The following SCRIB variants were observed in gnomAD, a reference collection of about 807,000 sequenced individuals.
The protein encoded by SCRIB is scribble planar cell polarity protein.
A neutral mutation model predicts 170.0 loss-of-function variants in SCRIB; 72 were observed. That is an observed-to-expected ratio of 0.42 (90% CI 0.35 to 0.52). SCRIB has a LOEUF of 0.52. Among genes scored for constraint, SCRIB ranks in the 20% least tolerant of loss-of-function variants. The pLI is 0.02. For missense variants in SCRIB, 2,475 were observed against 2,338.5 expected, an observed-to-expected ratio of 1.06 and a Z score of -1.20; for synonymous variants, 1,298 against 1,044.3, an observed-to-expected ratio of 1.24 and a Z score of -4.68.
chr8:143,804,524 C>T (rs782175562), intron 21 of SCRIB, 44 bp downstream of exon 21: 4 of 1,481,796 alleles, frequency 2.7e-6, no homozygotes, highest in Non-Finnish European at 3.6e-6. Context: ...CCAGTGCCCA[C>T]AGCTGAAGCT....
intron 28 of SCRIB, chr8:143,793,338 T>C (rs1814793187): frequency 2.5e-6 from 1 of 400,062 alleles, no homozygotes; most frequent in Non-Finnish European, 4.4e-6. Context: ...CCCCTGGTTT[T>C]GTCTAAAAAA....
Position 143,791,243 on chromosome 8 carries a change from C to A in SCRIB, c.4888G>T (p.Gly1630Cys). Residue 1630 changes from glycine to cysteine, a missense_variant, in exon 37 of 37, where the codon GGC (glycine) becomes TGC (cysteine). Around this residue, in one of 3 missense-constraint regions of SCRIB, gnomAD observed 1,966 missense variants for 1,742.9 expected, o/e 1.13. Transcript: ENST00000356994. ...LLGRPSPGAV[G>C]PEDVALCSSR... ...CTGCACAGTGCCACATCTTCAGGGC[C>A]CACAGCGCCGGGTGAGGGCCTGCCC... 6.7e-7 allele frequency: 1 copy of A among 1,495,170 alleles called. No homozygotes were observed. Among genetic ancestry groups the A allele is most frequent in the Non-Finnish European group, 8.9e-7 (1 of 1,121,596 alleles). The allele number at this position is 1,495,170 out of a possible 1,614,324, so 92.6% of individuals were successfully genotyped here.
chr8:143,805,112 C>A lies in SCRIB; in HGVS notation c.2670G>T (p.Ala890=). The change falls in exon 19 of 37, where the codon GCG becomes GCT. Residue 890 remains alanine (A), a splice_region_variant and synonymous_variant. Transcript: ENST00000356994. ...KGSTPYRAGD[A]GIFVSRIAEG... is the part of the protein sequence containing the mutation. ...CCCCGGCCCTGGGCCCCAGCCTCAC[C>A]GCATCACCAGCCCTGTAGGGTGTGG... 1 of 1,598,428 alleles carries A rather than the reference C, an allele frequency of 6.3e-7. No homozygotes were observed. The highest frequency in any genetic ancestry group is 8.5e-7 in the Non-Finnish European group (1 of 1,172,492).
rs1286034135 is a variant in SCRIB at position 143,806,307 on chromosome 8, T to C, written c.2346+100A>G. 1.7e-5 allele frequency: 16 copies of C among 930,192 alleles called. No homozygotes were observed. The African/African-American group carries it at 2.5e-4, about 14-fold the overall frequency. The allele number at this position is 930,192 out of a possible 1,614,324, so 57.6% of individuals were successfully genotyped here. ...CTGGGTGTCCTGTGCTTGGAACTCT[T>C]GGGGAGGCCGGGAGAAGGCAGCCAA... On this transcript the variant is annotated intron_variant, in intron 18 of 36. Transcript: ENST00000356994.
chr8:143,795,176 G>T (rs372802113), intron 26 of SCRIB, 64 bp from the exon 27 acceptor site: 1 of 1,597,448 alleles, frequency 6.3e-7, no homozygotes, highest in Non-Finnish European at 8.6e-7. Flanking sequence ...GCCAGCACAG[G>T]GCAGGAGAGG....
chr8:143,815,394 C>T lies in SCRIB; in HGVS notation c.-22G>A, dbSNP rs776848273. The T allele has an allele frequency of 6.4e-5, 82 of 1,287,332 alleles. No individual in the cohort carries two copies. The highest frequency in any genetic ancestry group is 1.6e-4 in the South Asian group (6 of 38,246). 79.7% of individuals were successfully genotyped at this position (1,287,332 alleles called of 1,614,324 possible). A position where few individuals can be genotyped will look rare whatever the true frequency, so the allele number is the denominator to read the frequency against. ...GCATGGTGCGGGTGGGCGGCGCGGG[C>T]TCCGGCGGCGGCGCTCGGCGGGCTC... On this transcript the variant is annotated 5_prime_UTR_variant, in exon 1 of 37. Transcript: ENST00000356994.
In SCRIB at chr8:143,803,136, C is replaced by A. The variant is rs373543017; in HGVS notation, c.3603+247G>T. 2.0e-5 allele frequency among the ~76,000 whole-genome samples: 3 copies of A among 152,286 alleles called. No individual in the cohort carries two copies. The South Asian group carries it at 6.2e-4, about 32-fold the overall frequency. On this transcript the variant is annotated intron_variant, in intron 24 of 36. Transcript: ENST00000356994. ...CCAAACACACGCCCCTCCCACCATC[C>A]GTTCACGTGCCTCGTCCTACTTGGA...
chr8:143,806,470 A>G lies in SCRIB; in HGVS notation c.2283T>C (p.Ser761=). 6.3e-7 allele frequency: 1 copy of G among 1,598,806 alleles called. No individual in the cohort carries two copies. The change falls in exon 18 of 37, where the codon TCT becomes TCC. Residue 761 remains serine (S), a synonymous_variant. Coordinates refer to ENST00000356994, the MANE Select transcript of SCRIB (RefSeq NM_182706.5). ...CCGCAGGGCCTTCCTCGGACACCCG[A>G]GAGATGAATATGCCCTAGGGCACAG... is the stretch of plus-strand genomic sequence containing the variant. The part of the protein sequence containing the change: ...YKGDDEGIFI[S]RVSEEGPAAR...
At chr8:143,808,265 C>T (rs1409693641) in intron 15 of SCRIB, among the ~76,000 whole-genome samples, 1 of 152,150 alleles carries the variant, frequency 6.6e-6, no homozygotes, top group Non-Finnish European at 1.5e-5. Flanking sequence ...CGGGCAAATA[C>T]TGGCCAGCAG....
Position 143,803,406 on chromosome 8 carries a change from C to A in SCRIB, c.3580G>T (p.Ala1194Ser). 1 of 1,586,946 alleles carries A rather than the reference C, an allele frequency of 6.3e-7. No homozygotes were observed. Among genetic ancestry groups the A allele is most frequent in the Non-Finnish European group, 8.5e-7 (1 of 1,170,944 alleles). The change falls in exon 24 of 37, where the codon GCC (alanine) becomes TCC (serine). Residue 1194 changes from alanine (A) to serine (S), a missense_variant. Physicochemically the swap from Ala to Ser is moderately conservative, Grantham distance 99. Around this residue, in one of 3 missense-constraint regions of SCRIB, gnomAD observed 1,966 missense variants for 1,742.9 expected, o/e 1.13. Coordinates refer to ENST00000356994, the MANE Select transcript of SCRIB (RefSeq NM_182706.5). ...LTVLVCDGFE[A>S]STDAALEVSP... ...ACCTCCAGGGCTGCGTCGGTGCTGG[C>A]CTCAAAGCCGTCACAGACCAGCACG...
chr8:143,792,327 C>T lies in SCRIB; in HGVS notation c.4407G>A (p.Glu1469=). 5 of 1,548,538 alleles carry T rather than the reference C, an allele frequency of 3.2e-6. No individual in the cohort carries two copies. Among genetic ancestry groups the T allele is most frequent in the Non-Finnish European group, 4.3e-6 (5 of 1,153,798 alleles). ...RTAKAERRHQ[E]RLRVQSPEPP... is the part of the protein sequence containing the mutation. ...GCTCCGGACTCTGCACGCGCAGCCG[C>T]TCCTGGTGGCGCCGTTCAGCTTTGG... The change falls in exon 32 of 37, where the codon GAG becomes GAA. Residue 1469 remains glutamate (E), a synonymous_variant. Coordinates refer to ENST00000356994, the MANE Select transcript of SCRIB (RefSeq NM_182706.5).
Position 143,810,570 on chromosome 8 carries a change from T to C in SCRIB, c.1439A>G (p.Glu480Gly), listed in dbSNP as rs1815661918. 1.2e-6 allele frequency: 2 copies of C among 1,613,572 alleles called. No individual in the cohort carries two copies. The highest frequency in any genetic ancestry group is 1.7e-6 in the Non-Finnish European group (2 of 1,179,986). ...LQRRATPHPS[E>G]LKVMKRSIEG... is the part of the protein sequence containing the mutation. ...GATGCTCCTCTTCATCACCTTGAGC[T>C]CGCTGGGGTGAGGTGTGGCCCGGCG... The change falls in exon 13 of 37, where the codon GAG (glutamate) becomes GGG (glycine). Residue 480 changes from glutamate to glycine, a missense_variant. By Grantham distance (98) the Glu-to-Gly change is moderately conservative. Around this residue, in one of 3 missense-constraint regions of SCRIB, gnomAD observed 1,966 missense variants for 1,742.9 expected, o/e 1.13. Transcript: ENST00000356994.
intron 16 of SCRIB, 93 bp downstream of exon 16, chr8:143,807,459 T>C (rs1326720487): frequency 9.7e-7 from 1 of 1,035,944 alleles, no homozygotes; most frequent in East Asian, 2.4e-5. Context: ...GGATCTGCGC[T>C]CAAGCAACAG....
At position 143,803,485 on chromosome 8, in the gene SCRIB, G is replaced by T. The variant is rs782736579; in HGVS notation, c.3501C>A (p.Gly1167=). The change falls in exon 24 of 37, where the codon GGC becomes GGA. Residue 1167 remains glycine (G), a synonymous_variant. Transcript: ENST00000356994. ...LLEVNQQSLL[G]LTHGEAVQLL... ...GCTGCACCGCCTCGCCGTGCGTCAG[G>T]CCCAGCAGGCTCTGCTGGTTCACCT... 1 of 1,601,126 alleles carries T rather than the reference G, an allele frequency of 6.2e-7. No homozygotes were observed. Among genetic ancestry groups the T allele is most frequent in the East Asian group, 2.2e-5 (1 of 44,804 alleles).
intron 16 of SCRIB, 85 bp downstream of exon 16, chr8:143,807,467 C>T (rs1815479635): frequency 9.1e-7 from 1 of 1,101,470 alleles, no homozygotes; most frequent in African/African-American, 1.5e-5. Context: ...GCTCAAGCAA[C>T]AGGGGCGGGG....
In SCRIB at chr8:143,795,530, C is replaced by G; in HGVS notation, c.3604G>C (p.Val1202Leu). Residue 1202 changes from valine (V) to leucine (L), a missense_variant and splice_region_variant, in exon 25 of 37, where the codon GTG becomes CTG. Val to Leu is a conservative substitution (Grantham distance 32). Coordinates refer to ENST00000356994, the MANE Select transcript of SCRIB (RefSeq NM_182706.5). ...FEASTDAALE[V>L]SPGVIANPFA... ...GGGTTGGCAATGACACCTGGGGACA[C>G]CTGAGAAGAGGGGTGTGGGCTAAGA... The G allele has an allele frequency of 6.2e-7, 1 of 1,610,166 alleles. No individual in the cohort carries two copies.
chr8:143,798,335 G>C (rs1783174159), intron 24 of SCRIB, among the ~76,000 whole-genome samples: 1 of 151,916 alleles, frequency 6.6e-6, no homozygotes, highest in South Asian at 2.1e-4. Flanking sequence ...TATCAGCTTG[G>C]TAGCAAAACC....
rs1586544740 is a variant in SCRIB, at chr8:143,815,575, G to A, written c.-203C>T. The A allele has an allele frequency of 1.0e-6, 1 of 981,752 alleles. No homozygotes were observed. The highest frequency in any genetic ancestry group is 1.2e-6 in the Non-Finnish European group (1 of 828,444). 60.8% of individuals were successfully genotyped at this position (981,752 alleles called of 1,614,324 possible). ...CGCTCGGACTGCGGGCCTGGGCAGG[G>A]GGCGCGGCCCGGCGGGTCTCAGACT... On this transcript the variant is annotated 5_prime_UTR_variant, in exon 1 of 37. Transcript: ENST00000356994.
At chr8:143,813,216 G>A in intron 6 of SCRIB, 95 bp downstream of exon 6, 8 of 1,589,826 alleles carry the variant, frequency 5.0e-6, no homozygotes, top group South Asian at 1.1e-5. Context: ...CCCTCCCGAG[G>A]TGCCCCTTGC....
Sources: gnomAD v4.1 joint callset for allele counts (sites outside exome capture counted in the v4.1 genomes callset) on GRCh38, gnomAD v4.1.1 for gene constraint, gnomAD v4.1.1 regional missense constraint, MANE v1.5 for transcripts, NCBI Gene and HGNC (gene_info 2026-07-23, HGNC 2026-07-21) for gene names.